Variants in CFAP61 observed in about 807,000 individuals in gnomAD.
CFAP61 encodes cilia- and flagella-associated protein 61.
In CFAP61, 107 loss-of-function variants were observed where a neutral mutation model predicts 135.6. The ratio of observed to expected loss-of-function variants is 0.79; its 90% CI spans 0.67 to 0.93. CFAP61 has a LOEUF of 0.93. Among genes scored for constraint, CFAP61 ranks in the 40% least tolerant of loss-of-function variants. CFAP61 has a pLI of 0.00. For synonymous variants in CFAP61, 575 were observed against 578.5 expected (o/e 0.99, Z 0.09); for missense variants, 1,507 against 1,556.2 (o/e 0.97, Z 0.53).
In CFAP61 at chr20:20,098,637, G is replaced by A. The variant is rs780141171; in HGVS notation, c.700-18G>A. On this transcript the variant is annotated intron_variant, in intron 7 of 26. Transcript: ENST00000245957. ...AAAAAAAAAAAAAAAGAATAATGAGGTGTTTTGGATATTTCAGGTGGAAGG... is the reference window on the plus strand; with the variant it reads ...AAAAAAAAAAAAAAAGAATAATGAGATGTTTTGGATATTTCAGGTGGAAGG... 2.7e-6 allele frequency: 4 copies of A among 1,461,898 alleles called. No individual in the cohort carries two copies. Among genetic ancestry groups the A allele is most frequent in the Non-Finnish European group, 3.7e-6 (4 of 1,082,742 alleles). 90.6% of individuals were successfully genotyped at this position (1,461,898 alleles called of 1,614,324 possible).
chr20:20,185,247 A>G (rs1451799906), intron 13 of CFAP61, among the ~76,000 whole-genome samples: 2 of 152,190 alleles, frequency 1.3e-5, no homozygotes, highest in African/African-American at 4.8e-5. Flanking sequence ...TATTACTGGG[A>G]ATTTGAGTAT....
intron 21 of CFAP61, chr20:20,265,667 C>A (rs1476268801): frequency 1.7e-6 from 1 of 597,646 alleles, no homozygotes; most frequent in Non-Finnish European, 3.0e-6. Flanking sequence ...CCCCCAGGCA[C>A]CTCTCAGGTA....
chr20:20,129,593 T>C (rs1051719834), intron 8 of CFAP61, among the ~76,000 whole-genome samples: 2 of 151,382 alleles, frequency 1.3e-5, no homozygotes, highest in Non-Finnish European at 2.9e-5. Flanking sequence ...CCTGGATATT[T>C]ATCTCTTTCT....
chr20:20,083,884 A>T lies in CFAP61; in HGVS notation c.567-6960A>T, dbSNP rs142149718. 5.3e-5 allele frequency among the ~76,000 whole-genome samples: 8 copies of T among 152,366 alleles called. No individual in the cohort carries two copies. The East Asian group carries it at 1.3e-3, about 26-fold the overall frequency. ...AAAACCCTTCATAATTTTTAAAATC[A>T]TGACATTTTCCAAGGACTAGAAGCT... is the stretch of plus-strand genomic sequence containing the variant. On this transcript the variant is annotated intron_variant, in intron 6 of 26. Transcript: ENST00000245957.
chr20:20,233,376 C>T (rs944385329), intron 18 of CFAP61, among the ~76,000 whole-genome samples: 23 of 152,332 alleles, frequency 1.5e-4, no homozygotes, highest in African/African-American at 5.5e-4. Flanking sequence ...GTGTGCGCCT[C>T]GCAATTGCCC....
intron 22 of CFAP61, among the ~76,000 whole-genome samples, chr20:20,278,822 C>T (rs904677025): frequency 6.6e-6 from 1 of 152,140 alleles, no homozygotes; most frequent in Non-Finnish European, 1.5e-5. Context: ...ATTGTGTATT[C>T]TACTCTGTAG....
At chr20:20,330,910 C>G (rs1003450554) in intron 25 of CFAP61, among the ~76,000 whole-genome samples, 1 of 152,172 alleles carries the variant, frequency 6.6e-6, no homozygotes, top group Non-Finnish European at 1.5e-5. Context: ...TAACTGTGAT[C>G]ACTTGGTTAG....
chr20:20,349,900 A>G (rs980673092), intron 26 of CFAP61, among the ~76,000 whole-genome samples: 1 of 152,214 alleles, frequency 6.6e-6, no homozygotes, highest in Non-Finnish European at 1.5e-5. Context: ...CTAAGTTCCT[A>G]TGGAAATGGA....
intron 2 of CFAP61, among the ~76,000 whole-genome samples, chr20:20,068,480 TC>T (rs1256336101): frequency 4.6e-5 from 7 of 152,236 alleles, no homozygotes; most frequent in Non-Finnish European, 8.8e-5. Context: ...GACAGTCTAC[TC>T]CCTCCTTTCC....
chr20:20,270,882 G>A (rs2053289991), intron 21 of CFAP61, among the ~76,000 whole-genome samples: 1 of 152,102 alleles, frequency 6.6e-6, no homozygotes, highest in South Asian at 2.1e-4. Context: ...ATTTTGGTCA[G>A]GCTGGTTTCA....
intron 12 of CFAP61, among the ~76,000 whole-genome samples, chr20:20,166,657 T>G (rs192666061): frequency 6.6e-6 from 1 of 152,360 alleles, no homozygotes; most frequent in East Asian, 1.9e-4. Flanking sequence ...AAAATTTCTG[T>G]TACACATAGC....
intron 11 of CFAP61, 87 bp from the exon 12 acceptor site, chr20:20,166,309 AG>A: frequency 9.2e-7 from 1 of 1,086,200 alleles, no homozygotes; most frequent in Non-Finnish European, 1.4e-6. Flanking sequence ...TCGCTGCCCG[AG>A]GGGAGGGAGC....
intron 26 of CFAP61, among the ~76,000 whole-genome samples, chr20:20,354,868 GA>G (rs1233452619): frequency 8.0e-5 from 12 of 150,296 alleles, no homozygotes; most frequent in African/African-American, 2.4e-4. Flanking sequence ...GTCACACTGA[GA>G]GGGGAGGTGG....
chr20:20,212,709 C>G (rs1334855983), intron 17 of CFAP61, among the ~76,000 whole-genome samples: 1 of 152,216 alleles, frequency 6.6e-6, no homozygotes, highest in South Asian at 2.1e-4. Flanking sequence ...TTGGTCACTC[C>G]CTGCTCCTGC....
At chr20:20,276,903 TC>T (rs2053808011) in intron 21 of CFAP61, among the ~76,000 whole-genome samples, 1 of 152,236 alleles carries the variant, frequency 6.6e-6, no homozygotes, top group East Asian at 1.9e-4. Flanking sequence ...CTAGACAGTT[TC>T]TTTCAGCCTA....
At chr20:20,355,792 C>T (rs2059103485) in intron 26 of CFAP61, among the ~76,000 whole-genome samples, 1 of 122,556 alleles carries the variant, frequency 8.2e-6, no homozygotes, top group Non-Finnish European at 1.6e-5. Context: ...GGTGGTCACA[C>T]TGAGGGGAGG....
At chr20:20,321,608 T>C (rs1245059433) in intron 25 of CFAP61, among the ~76,000 whole-genome samples, 1 of 152,178 alleles carries the variant, frequency 6.6e-6, no homozygotes, top group Non-Finnish European at 1.5e-5. Flanking sequence ...GGAGAGATCA[T>C]GCAGTGGCTG....
chr20:20,099,132 C>CACAG (rs1555856145), intron 8 of CFAP61, among the ~76,000 whole-genome samples: 1 of 150,354 alleles, frequency 6.7e-6, no homozygotes, highest in Admixed American at 6.6e-5. Flanking sequence ...AGGTTTCACA[C>CACAG]ACACACACAC....
intron 8 of CFAP61, among the ~76,000 whole-genome samples, chr20:20,123,156 G>C (rs1841262782): frequency 6.6e-6 from 1 of 151,314 alleles, no homozygotes; most frequent in Non-Finnish European, 1.5e-5. Context: ...GTTCGTTGTA[G>C]ATTCTGGATA....
Sources: gnomAD v4.1 joint callset for allele counts (sites outside exome capture counted in the v4.1 genomes callset) on GRCh38, gnomAD v4.1.1 for gene constraint, MANE v1.5 for transcripts, NCBI Gene and HGNC (gene_info 2026-07-23, HGNC 2026-07-21) for gene names.